Variants in XRCC4 observed in about 807,000 individuals in gnomAD.
XRCC4 encodes X-ray repair cross complementing 4.
A neutral mutation model predicts 39.1 loss-of-function variants in XRCC4; 28 were observed. The observed-to-expected ratio is 0.72, with a 90% CI of 0.53 to 0.98. The LOEUF (loss-of-function observed/expected upper bound fraction) is 0.98, where lower values mean the gene tolerates loss of function less well. XRCC4 is among the 50% of genes least tolerant of loss of function. The pLI, the probability that XRCC4 is intolerant of heterozygous loss-of-function variation, is 0.00. For missense variants in XRCC4, 350 were observed against 376.4 expected (o/e 0.93, Z 0.58); for synonymous variants, 123 against 126.4 (o/e 0.97, Z 0.18).
intron 7 of XRCC4, among the ~76,000 whole-genome samples, chr5:83,272,196 T>C (rs1270318033): frequency 1.3e-5 from 2 of 152,232 alleles, no homozygotes; most frequent in East Asian, 3.8e-4. Context: ...AGCCTAAGTT[T>C]TTAACATTAT....
In XRCC4 at chr5:83,104,918, A is replaced by T. The variant is rs1265578204; in HGVS notation, c.-2A>T. 1 of 1,612,542 alleles carries T rather than the reference A, an allele frequency of 6.2e-7. No individual in the cohort carries two copies. On this transcript the variant is annotated 5_prime_UTR_variant, in exon 2 of 8. Transcript: ENST00000396027. Reference sequence around the variant, plus strand: ...GTATTCTCCCATTACAGGTATTAAGAAATGGAGAGAAAAATAAGCAGAATC... The same window carrying T: ...GTATTCTCCCATTACAGGTATTAAGTAATGGAGAGAAAAATAAGCAGAATC...
intron 3 of XRCC4, among the ~76,000 whole-genome samples, chr5:83,158,136 G>A (rs990553405): frequency 1.3e-5 from 2 of 152,028 alleles, no homozygotes; most frequent in East Asian, 1.9e-4. Flanking sequence ...AGCTAGTTAC[G>A]TTCAATACCT....
At chr5:83,217,042 AAC>A (rs146441778) in intron 6 of XRCC4, among the ~76,000 whole-genome samples, 11 of 151,292 alleles carry the variant, frequency 7.3e-5, no homozygotes, top group Non-Finnish European at 1.0e-4. Context: ...GATATTTCAA[AAC>A]ACACACACAC....
intron 7 of XRCC4, among the ~76,000 whole-genome samples, chr5:83,330,645 GT>G (rs779379789): frequency 2.0e-4 from 31 of 151,938 alleles, no homozygotes; most frequent in Non-Finnish European, 3.1e-4. Context: ...GTAATTTTGG[GT>G]TCTTAGGTGG....
chr5:83,367,539 A>T, the XRCC4 span, among the ~76,000 whole-genome samples: 5 of 152,062 alleles, frequency 3.3e-5, no homozygotes, highest in African/African-American at 1.2e-4. Flanking sequence ...TCCCTGAAAG[A>T]GCTTCCTCAG....
chr5:83,205,279 AGCCATGAATAGGCC>A (rs991728377), intron 6 of XRCC4, among the ~76,000 whole-genome samples: 9 of 152,156 alleles, frequency 5.9e-5, no homozygotes, highest in African/African-American at 1.7e-4. Flanking sequence ...ATTTAGCTAA[AGCCATGAATAGGCC>A]ACTGGAGCAG....
At chr5:83,342,521 T>C (rs1448333789) in intron 7 of XRCC4, among the ~76,000 whole-genome samples, 2 of 152,196 alleles carry the variant, frequency 1.3e-5, no homozygotes, top group Non-Finnish European at 2.9e-5. Flanking sequence ...CAAAGTCATA[T>C]TCATTAGAAA....
chr5:83,247,300 T>C (rs1341677017), intron 6 of XRCC4, among the ~76,000 whole-genome samples: 1 of 152,178 alleles, frequency 6.6e-6, no homozygotes, highest in Non-Finnish European at 1.5e-5. Context: ...CTCAATCCCC[T>C]AGCAGCAGAC....
chr5:83,270,095 A>G (rs1210522220), intron 7 of XRCC4, among the ~76,000 whole-genome samples: 2 of 152,116 alleles, frequency 1.3e-5, no homozygotes. Flanking sequence ...GGAGCACACA[A>G]CCTAGATGCC....
chr5:83,259,426 G>C (rs550988527), intron 7 of XRCC4: 1 of 152,042 alleles, frequency 6.6e-6, no homozygotes, highest in Non-Finnish European at 1.5e-5. Flanking sequence ...TCACAGGATG[G>C]AATGAGGGTA....
At chr5:83,312,832 G>GT (rs1755751367) in intron 7 of XRCC4, among the ~76,000 whole-genome samples, 1 of 152,150 alleles carries the variant, frequency 6.6e-6, no homozygotes, top group African/African-American at 2.4e-5. Flanking sequence ...TAAGATGCAC[G>GT]TAGTTGCTAA....
At chr5:83,324,898 T>C (rs565126414) in intron 7 of XRCC4, among the ~76,000 whole-genome samples, 3 of 152,192 alleles carry the variant, frequency 2.0e-5, no homozygotes, top group Non-Finnish European at 2.9e-5. Context: ...AATTTGAAAA[T>C]AGACTTACTG....
intron 7 of XRCC4, among the ~76,000 whole-genome samples, chr5:83,305,078 A>G (rs1755431391): frequency 6.6e-6 from 1 of 152,186 alleles, no homozygotes; most frequent in African/African-American, 2.4e-5. Context: ...TTCATATCCT[A>G]TCGGCATTTT....
chr5:83,189,605 G>T (rs1750603600), intron 3 of XRCC4, among the ~76,000 whole-genome samples: 3 of 152,178 alleles, frequency 2.0e-5, no homozygotes, highest in Admixed American at 2.0e-4. Flanking sequence ...GATGAGATTA[G>T]TAGTTTTGCA....
intron 7 of XRCC4, among the ~76,000 whole-genome samples, chr5:83,306,784 G>T (rs1755504202): frequency 6.6e-6 from 1 of 152,176 alleles, no homozygotes; most frequent in South Asian, 2.1e-4. Flanking sequence ...TTTAGCCCGG[G>T]CAGTGACTGC....
chr5:83,113,327 CA>C (rs757228164), intron 3 of XRCC4, among the ~76,000 whole-genome samples: 1 of 152,230 alleles, frequency 6.6e-6, no homozygotes, highest in Non-Finnish European at 1.5e-5. Flanking sequence ...CAACCTTGAG[CA>C]GCTCCACCCC....
At chr5:83,260,824 A>G (rs989101933) in intron 7 of XRCC4, among the ~76,000 whole-genome samples, 1 of 152,062 alleles carries the variant, frequency 6.6e-6, no homozygotes, top group African/African-American at 2.4e-5. Flanking sequence ...GTTGATGTAA[A>G]CCATATCAGC....
chr5:83,241,844 A>T (rs377435581), intron 6 of XRCC4, among the ~76,000 whole-genome samples: 6 of 152,140 alleles, frequency 3.9e-5, no homozygotes, highest in Admixed American at 1.3e-4. Flanking sequence ...TAAGAAAATC[A>T]TAAGGAAGAG....
At chr5:83,134,044 A>G (rs1266323257) in intron 3 of XRCC4, among the ~76,000 whole-genome samples, 1 of 152,170 alleles carries the variant, frequency 6.6e-6, no homozygotes, top group East Asian at 1.9e-4. Flanking sequence ...CGCAGTCTTC[A>G]CGGCCGGCTA....
Sources: allele counts gnomAD v4.1 joint callset (sites outside exome capture counted in the v4.1 genomes callset), GRCh38; gene constraint gnomAD v4.1.1; transcripts MANE v1.5; gene names NCBI Gene and HGNC (gene_info 2026-07-23, HGNC 2026-07-21).